Variants in DMD observed in about 807,000 individuals in gnomAD.
DMD encodes the protein dystrophin.
DMD carries 63 observed loss-of-function variants against 330.1 expected under a neutral mutation model. That is an observed-to-expected ratio of 0.19 (90% confidence interval 0.16 to 0.24). The LOEUF is 0.24. Ranked by LOEUF, DMD falls within the 10% of genes least tolerant of loss-of-function variation. The pLI is 1.00. For synonymous variants in DMD, 1,223 were observed against 959.8 expected, an observed-to-expected ratio of 1.27 and a Z score of -5.07; for missense variants, 3,344 against 2,684.1, an observed-to-expected ratio of 1.25 and a Z score of -5.43.
chrX:32,587,190 T>C (rs1056363718), intron 13 of DMD, among the ~76,000 whole-genome samples: 5 of 112,052 alleles, frequency 4.5e-5, no homozygotes, highest in Non-Finnish European at 7.5e-5. Context: ...GACTTTATCG[T>C]CTTTCTGAAC....
At chrX:31,464,987 A>G (rs2066756610) in intron 59 of DMD, among the ~76,000 whole-genome samples, 1 of 112,069 alleles carries the variant, frequency 8.9e-6, no homozygotes, top group Non-Finnish European at 1.9e-5. Flanking sequence ...TGTTTGCCTA[A>G]GTCGAGGTAG....
At chrX:32,475,746 G>T (rs1264342997) in intron 21 of DMD, among the ~76,000 whole-genome samples, 2 of 110,961 alleles carry the variant, frequency 1.8e-5, no homozygotes, top group African/African-American at 6.6e-5. Flanking sequence ...AAATGTTGCT[G>T]AATTATTTTA....
intron 44 of DMD, among the ~76,000 whole-genome samples, chrX:32,105,168 A>C (rs1327582252): frequency 1.8e-5 from 2 of 111,555 alleles, no homozygotes; most frequent in African/African-American, 6.5e-5. Context: ...AACAACCAAA[A>C]ATGCCTCCCT....
intron 44 of DMD, among the ~76,000 whole-genome samples, chrX:32,040,778 G>C (rs1253935824): frequency 1.8e-5 from 2 of 111,237 alleles, no homozygotes; most frequent in Non-Finnish European, 3.8e-5. Context: ...GAGGAAAAGA[G>C]TTGGTCATAG....
intron 1 of DMD, among the ~76,000 whole-genome samples, chrX:33,116,386 G>A (rs753300076): frequency 9.1e-6 from 1 of 110,055 alleles, no homozygotes; most frequent in South Asian, 4.0e-4. Context: ...TGGAGCGCTG[G>A]TAGTCCCAGC....
chrX:33,017,575 C>G (rs1196944041), intron 2 of DMD, among the ~76,000 whole-genome samples: 1 of 111,254 alleles, frequency 9.0e-6, no homozygotes, highest in Non-Finnish European at 1.9e-5. Context: ...CTACAGTTAG[C>G]ATAGATTTAA....
chrX:31,268,070 T>C (rs185439832), intron 62 of DMD, among the ~76,000 whole-genome samples: 43 of 112,364 alleles, frequency 3.8e-4, no homozygotes, highest in African/African-American at 1.3e-3. Flanking sequence ...AATTTATTTC[T>C]TAAGGGATGG....
At chrX:31,706,342 T>C (rs1194352841) in intron 52 of DMD, among the ~76,000 whole-genome samples, 1 of 110,792 alleles carries the variant, frequency 9.0e-6, no homozygotes, top group Non-Finnish European at 1.9e-5. Context: ...AAAGTTAGAA[T>C]TTTGGAAAAC....
At chrX:31,125,208 C>T (rs1289380471) in intron 78 of DMD, among the ~76,000 whole-genome samples, 1 of 111,480 alleles carries the variant, frequency 9.0e-6, no homozygotes, top group Non-Finnish European at 1.9e-5. Context: ...GGGCACTTAC[C>T]ATAAGAATGA....
intron 13 of DMD, among the ~76,000 whole-genome samples, chrX:32,594,333 G>A (rs1023636892): frequency 1.8e-5 from 2 of 111,239 alleles, no homozygotes; most frequent in African/African-American, 6.6e-5. Context: ...GAATTTTAGT[G>A]CAATGGATGA....
At chrX:31,544,803 C>T (rs2074052593) in intron 55 of DMD, among the ~76,000 whole-genome samples, 1 of 111,253 alleles carries the variant, frequency 9.0e-6, no homozygotes, top group Non-Finnish European at 1.9e-5. Flanking sequence ...GAGATCTTTT[C>T]TCCCCTGTAA....
chrX:32,217,335 A>C (rs2097116110), intron 43 of DMD, among the ~76,000 whole-genome samples: 1 of 111,843 alleles, frequency 8.9e-6, no homozygotes, highest in Non-Finnish European at 1.9e-5. Flanking sequence ...ATTGATTAAA[A>C]GAAAGATAAA....
intron 1 of DMD, among the ~76,000 whole-genome samples, chrX:33,070,017 G>A (rs1456334971): frequency 3.6e-5 from 4 of 111,021 alleles, no homozygotes; most frequent in Middle Eastern, 4.6e-3. Context: ...AAATTATGCC[G>A]GGATAATTAC....
chrX:33,001,769 T>C (rs2093284900), intron 2 of DMD, among the ~76,000 whole-genome samples: 1 of 111,965 alleles, frequency 8.9e-6, no homozygotes, highest in Admixed American at 9.5e-5. Context: ...GTTTCTACTT[T>C]GGCTAGACAG....
At chrX:33,298,480 C>A (rs1361097344) in intron 1 of DMD, among the ~76,000 whole-genome samples, 1 of 111,804 alleles carries the variant, frequency 8.9e-6, no homozygotes, top group Non-Finnish European at 1.9e-5. Context: ...ACCATCACAA[C>A]AAATGTGAAT....
intron 34 of DMD, among the ~76,000 whole-genome samples, chrX:32,368,837 C>G (rs946808515): frequency 2.7e-5 from 3 of 111,754 alleles, no homozygotes; most frequent in Non-Finnish European, 3.8e-5. Context: ...TCTGAAGGAG[C>G]AAGTTCAAAT....
intron 29 of DMD, among the ~76,000 whole-genome samples, chrX:32,433,221 GTTT>G (rs900950844): frequency 1.3e-4 from 14 of 111,990 alleles, no homozygotes; most frequent in Non-Finnish European, 2.6e-4. Flanking sequence ...TATTAGCAGA[GTTT>G]TTATTTTTAA....
chrX:32,494,446 T>A (rs2043291883), intron 19 of DMD, among the ~76,000 whole-genome samples: 1 of 111,137 alleles, frequency 9.0e-6, no homozygotes, highest in Non-Finnish European at 1.9e-5. Flanking sequence ...ATTCTGGCGT[T>A]AAAGAGACCG....
At chrX:32,409,752 A>G (rs1460839970) in intron 30 of DMD, among the ~76,000 whole-genome samples, 2 of 111,834 alleles carry the variant, frequency 1.8e-5, no homozygotes, top group Non-Finnish European at 3.8e-5. Flanking sequence ...CGTCACAAGC[A>G]TTTTTAATCA....
Sources: gnomAD v4.1 joint callset for allele counts (sites outside exome capture counted in the v4.1 genomes callset) on GRCh38, gnomAD v4.1.1 for gene constraint, MANE v1.5 for transcripts, NCBI Gene and HGNC (gene_info 2026-07-23, HGNC 2026-07-21) for gene names.